Variants in NT5E observed in about 807,000 individuals in gnomAD.
NT5E encodes the protein 5'-nucleotidase.
Under a neutral mutation model 55.1 loss-of-function variants are expected in NT5E, and 53 were observed. The ratio of observed to expected loss-of-function variants is 0.96; its 90% CI spans 0.77 to 1.21. The LOEUF is 1.21. Among genes scored for constraint, NT5E ranks in the 50% most tolerant of loss-of-function variants. The pLI, the probability that NT5E is intolerant of heterozygous loss-of-function variation, is 0.00. For missense variants in NT5E, 683 were observed against 724.3 expected (o/e 0.94, Z 0.65); for synonymous variants, 270 against 278.4 (o/e 0.97, Z 0.30).
intron 1 of NT5E, among the ~76,000 whole-genome samples, chr6:85,455,679 AAG>A (rs1379245297): frequency 1.3e-5 from 2 of 152,218 alleles, no homozygotes; most frequent in African/African-American, 2.4e-5. Flanking sequence ...ATTCAGCCAG[AAG>A]CACAACCTCA....
At chr6:85,458,092 C>A (rs1769022423) in intron 1 of NT5E, among the ~76,000 whole-genome samples, 1 of 152,180 alleles carries the variant, frequency 6.6e-6, no homozygotes. Context: ...CAAGTGCTTA[C>A]AAGGACTCTT....
chr6:85,488,769 C>T (rs1029589565), intron 5 of NT5E, among the ~76,000 whole-genome samples: 5 of 151,350 alleles, frequency 3.3e-5, no homozygotes, highest in African/African-American at 7.3e-5. Context: ...TTAGTAGAGA[C>T]GGGGTTTCAC....
intron 4 of NT5E, among the ~76,000 whole-genome samples, chr6:85,486,384 T>G (rs1306133662): frequency 6.6e-6 from 1 of 152,160 alleles, no homozygotes; most frequent in African/African-American, 2.4e-5. Flanking sequence ...GATAACCAGT[T>G]AGACCAGAAA....
chr6:85,451,221 GGAAAGAAAGAAAGAAAGA>G (rs1246237786), intron 1 of NT5E, among the ~76,000 whole-genome samples: 2 of 151,546 alleles, frequency 1.3e-5, no homozygotes, highest in African/African-American at 2.4e-5. Context: ...GTTAAGAAAA[GGAAAGAAAGAAAGAAAGA>G]GAAAGAAAGA....
Position 85,495,514 on chromosome 6 carries a change from T to G in NT5E, c.*1510T>G, listed in dbSNP as rs557144413. The G allele has an allele frequency of 6.6e-6, 1 of 152,224 alleles. No homozygotes were observed. The highest frequency in any genetic ancestry group is 2.4e-5 in the African/African-American group (1 of 41,450). 9.4% of individuals were successfully genotyped at this position (152,224 alleles called of 1,614,324 possible). On this transcript the variant is annotated 3_prime_UTR_variant, in exon 9 of 9. Coordinates refer to ENST00000257770, the MANE Select transcript of NT5E (RefSeq NM_002526.4). ...AACTTCATAACCTTTTTATAAAAGT[T>G]GTTGCAGCAAAATAATAGCCTCGGT...
intron 3 of NT5E, among the ~76,000 whole-genome samples, chr6:85,473,027 T>G (rs1166096142): frequency 1.3e-5 from 2 of 152,182 alleles, no homozygotes; most frequent in Admixed American, 6.5e-5. Context: ...CCCAGGCACA[T>G]AGCAGACAAT....
intron 3 of NT5E, among the ~76,000 whole-genome samples, chr6:85,473,554 A>C (rs1235099378): frequency 6.6e-6 from 1 of 152,166 alleles, no homozygotes; most frequent in East Asian, 1.9e-4. Context: ...GACCCGTAGT[A>C]AGAAGAACAT....
Position 85,495,717 on chromosome 6 carries a change from G to A in NT5E, c.*1713G>A, listed in dbSNP as rs1169130229. On this transcript the variant is annotated 3_prime_UTR_variant, in exon 9 of 9. Transcript: ENST00000257770. ...TAAATCTGTGTGTGTATTGTGAAGT[G>A]GTATAAGAAATGACTTTGAACCACT... The A allele has an allele frequency of 6.6e-6, 1 of 152,044 alleles. No individual in the cohort carries two copies. Among genetic ancestry groups the A allele is most frequent in the Non-Finnish European group, 1.5e-5 (1 of 68,002 alleles). 9.4% of individuals were successfully genotyped at this position (152,044 alleles called of 1,614,324 possible).
At position 85,471,950 on chromosome 6, in the gene NT5E, T is replaced by C; in HGVS notation, c.751+525T>C. Among the ~76,000 whole-genome samples, 2 of 152,106 alleles carry C rather than the reference T, an allele frequency of 1.3e-5. 1 individual carries two copies. The highest frequency in any genetic ancestry group is 3.8e-4 in the East Asian group (2 of 5,202). On this transcript the variant is annotated intron_variant, in intron 3 of 8. Coordinates refer to ENST00000257770, the MANE Select transcript of NT5E (RefSeq NM_002526.4). ...ATCCTGGAAGCCACATGACCCTGGG[T>C]CCTCAGGAGAGCATGCACTCTTCCT...
At chr6:85,482,876 A>G (rs981513650) in intron 3 of NT5E, among the ~76,000 whole-genome samples, 1 of 152,228 alleles carries the variant, frequency 6.6e-6, no homozygotes, top group African/African-American at 2.4e-5. Context: ...GAAGGGGAGC[A>G]GAAAGGGCTC....
At chr6:85,476,634 G>A (rs553096624) in intron 3 of NT5E, among the ~76,000 whole-genome samples, 16 of 152,280 alleles carry the variant, frequency 1.1e-4, no homozygotes, top group Admixed American at 2.6e-4. Context: ...CAGCTTGCAC[G>A]AACAAATTGA....
chr6:85,493,777 A>G, intron 8 of NT5E, 64 bp from the exon 9 acceptor site: 1 of 1,396,282 alleles, frequency 7.2e-7, no homozygotes, highest in East Asian at 2.3e-5. Flanking sequence ...ATTACAAAGG[A>G]CTACCTTACT....
intron 1 of NT5E, among the ~76,000 whole-genome samples, chr6:85,456,405 G>A (rs751153147): frequency 6.6e-6 from 1 of 152,206 alleles, no homozygotes; most frequent in Non-Finnish European, 1.5e-5. Flanking sequence ...CTAGTTGGTT[G>A]GGAATACAGG....
chr6:85,493,080 G>T lies in NT5E; in HGVS notation c.1562-761G>T, dbSNP rs567004854. On this transcript the variant is annotated intron_variant, in intron 8 of 8. Transcript: ENST00000257770. ...ACCACTCAAGCCTAGACTGAAGGAT[G>T]TTAGAGAGAGGAGCTCATGCAGAAG... Among the ~76,000 whole-genome samples the T allele has an allele frequency of 1.2e-3, 179 of 152,306 alleles. 1 individual carries two copies. Among genetic ancestry groups the T allele is most frequent in the Non-Finnish European group, 2.0e-3 (139 of 68,018 alleles).
At position 85,450,290 on chromosome 6, in the gene NT5E, TG is replaced by T. The variant is rs1214910451; in HGVS notation, c.152del (p.Cys51SerfsTer55). The stretch of plus-strand genomic sequence containing the variant: ...GCAGACCAGCGAGGACTCCAGCAAG[TG>T]CGTCAACGCCAGCCGCTGCATGGGT... ...LEQTSEDSSKCVNASRCMGGV... is the reference protein window; with the variant it reads ...LEQTSEDSSKXVNASRCMGGV... On this transcript the variant is annotated frameshift_variant, in exon 1 of 9. Transcript: ENST00000257770. LOFTEE classifies it high-confidence loss of function. The surrounding 1 kb of genome is among the most constrained non-coding windows in gnomAD (Gnocchi z 4.0). The T allele has an allele frequency of 6.2e-7, 1 of 1,607,116 alleles. No individual in the cohort carries two copies. Among genetic ancestry groups the T allele is most frequent in the South Asian group, 1.1e-5 (1 of 89,638 alleles).
At chr6:85,472,282 G>A (rs1444481460) in intron 3 of NT5E, among the ~76,000 whole-genome samples, 2 of 152,198 alleles carry the variant, frequency 1.3e-5, no homozygotes, top group Admixed American at 6.5e-5. Flanking sequence ...TATGTGGGCT[G>A]TCAAAGACCA....
At chr6:85,479,931 A>G (rs1482423064) in intron 3 of NT5E, among the ~76,000 whole-genome samples, 1 of 152,216 alleles carries the variant, frequency 6.6e-6, no homozygotes, top group Non-Finnish European at 1.5e-5. Flanking sequence ...ATGCTGAGCC[A>G]TGGAGATGGC....
chr6:85,490,568 T>C lies in NT5E; in HGVS notation c.1271T>C (p.Val424Ala). The C allele has an allele frequency of 6.2e-7, 1 of 1,614,174 alleles. No homozygotes were observed. The highest frequency in any genetic ancestry group is 1.1e-5 in the South Asian group (1 of 91,088). The change falls in exon 7 of 9, where the codon GTC becomes GCC. Residue 424 changes from valine (V) to alanine (A), a missense_variant. By Grantham distance (64) the Val-to-Ala change is moderately conservative. Transcript: ENST00000257770. ...VLPFGGTFDL[V>A]QLKGSTLKKA... ...CCCTTTGGAGGCACATTTGACCTAG[T>C]CCAGTTAAAAGGTTCCACCCTGAAG...
At chr6:85,454,979 G>A (rs1278233012) in intron 1 of NT5E, among the ~76,000 whole-genome samples, 1 of 151,826 alleles carries the variant, frequency 6.6e-6, no homozygotes, top group East Asian at 1.9e-4. Context: ...AAGGTGTAGA[G>A]GCAGGAATCT....
Sources: allele counts gnomAD v4.1 joint callset (sites outside exome capture counted in the v4.1 genomes callset), GRCh38; gene constraint gnomAD v4.1.1; non-coding constraint Gnocchi (gnomAD v3.1); transcripts MANE v1.5; gene names NCBI Gene and HGNC (gene_info 2026-07-23, HGNC 2026-07-21).